ANKRD13C: variants seen among roughly 807,000 people sequenced by gnomAD.
ANKRD13C encodes ankyrin repeat domain 13C.
Under a neutral mutation model 65.5 loss-of-function variants are expected in ANKRD13C, and 16 were observed. The observed-to-expected ratio is 0.24, with a 90% confidence interval of 0.17 to 0.37. ANKRD13C has a LOEUF of 0.37. Among genes scored for constraint, ANKRD13C ranks in the 10% least tolerant of loss-of-function variants. The pLI is 1.00. For missense variants in ANKRD13C, 503 were observed against 655.9 expected, an observed-to-expected ratio of 0.77 and a Z score of 2.55; for synonymous variants, 235 against 238.7, an observed-to-expected ratio of 0.98 and a Z score of 0.14.
chr1:70,349,369 G>T (rs1682654519), intron 1 of ANKRD13C, among the ~76,000 whole-genome samples: 1 of 152,032 alleles, frequency 6.6e-6, no homozygotes, highest in South Asian at 2.1e-4. Context: ...GTTATTAAGT[G>T]ATGAGTCACA....
intron 1 of ANKRD13C, among the ~76,000 whole-genome samples, chr1:70,336,743 GAAAC>G (rs928148528): frequency 2.0e-5 from 3 of 151,966 alleles, no homozygotes; most frequent in Non-Finnish European, 4.4e-5. Context: ...TTATATTTGG[GAAAC>G]AAACAAACAG....
chr1:70,275,967 A>T (rs1382340882), intron 10 of ANKRD13C, among the ~76,000 whole-genome samples: 2 of 150,522 alleles, frequency 1.3e-5, no homozygotes, highest in African/African-American at 2.4e-5. Flanking sequence ...ATCTCAAAAA[A>T]AAAAAAAAAA....
Position 70,354,094 on chromosome 1 carries a change from C to A in ANKRD13C, c.315G>T (p.Ala105=). Residue 105 remains alanine (A), a synonymous_variant, in exon 1 of 13, where the codon GCG becomes GCT. Transcript: ENST00000370944. ...LAGTNPVAVV[A]DGGSCPAHYP... is the part of the protein sequence containing the mutation. ...AGTGTGCGGGGCAACTGCCTCCATCCGCGACGACAGCAACGGGGTTGGTGC... is the reference window on the plus strand; with the variant it reads ...AGTGTGCGGGGCAACTGCCTCCATCAGCGACGACAGCAACGGGGTTGGTGC... 1.9e-6 allele frequency: 3 copies of A among 1,612,340 alleles called. No homozygotes were observed. Among genetic ancestry groups the A allele is most frequent in the Non-Finnish European group, 2.5e-6 (3 of 1,178,876 alleles).
chr1:70,325,646 A>G (rs928634430), intron 2 of ANKRD13C, among the ~76,000 whole-genome samples: 1 of 152,140 alleles, frequency 6.6e-6, no homozygotes, highest in Non-Finnish European at 1.5e-5. Context: ...TGGGAGGCCA[A>G]GGCGGGCAGA....
chr1:70,339,209 C>CAA (rs771059976), intron 1 of ANKRD13C, among the ~76,000 whole-genome samples: 178 of 99,992 alleles, frequency 1.8e-3, no homozygotes, highest in Middle Eastern at 0.011. Context: ...GACCCTATCT[C>CAA]AAAAAAAAAA....
intron 8 of ANKRD13C, among the ~76,000 whole-genome samples, chr1:70,294,371 C>T (rs756423389): frequency 2.0e-5 from 3 of 152,116 alleles, no homozygotes; most frequent in Non-Finnish European, 4.4e-5. Flanking sequence ...TATGTGTCAG[C>T]GTGGCTACGC....
chr1:70,309,780 G>T (rs1305702984), intron 5 of ANKRD13C, among the ~76,000 whole-genome samples: 5 of 150,430 alleles, frequency 3.3e-5, no homozygotes, highest in Admixed American at 3.3e-4. Context: ...ATACAGGATG[G>T]ATTGATTCTG....
intron 3 of ANKRD13C, 146 bp from the exon 4 acceptor site, chr1:70,315,712 T>A (rs1204203919): frequency 3.7e-6 from 2 of 539,314 alleles, no homozygotes; most frequent in Non-Finnish European, 6.0e-6. Flanking sequence ...TGTATCTACA[T>A]CTACAATATA....
intron 3 of ANKRD13C, 127 bp from the exon 4 acceptor site, chr1:70,315,693 G>T: frequency 1.6e-6 from 1 of 610,224 alleles, no homozygotes; most frequent in Non-Finnish European, 2.7e-6. Flanking sequence ...ATGTGTGTAT[G>T]TGTATGTGTG....
rs768639392 is a variant in ANKRD13C, at chr1:70,354,298, G to T, written c.111C>A (p.Thr37=). ...DEEAAAALGG[T]FTRSRIGKGG... ...CCTTGCCAATCCTGCTTCTGGTAAA[G>T]GTACCGCCGAGGGCAGCCGCCGCTT... Residue 37 remains threonine, a synonymous_variant, in exon 1 of 13, where the codon ACC becomes ACA. Coordinates refer to ENST00000370944, the MANE Select transcript of ANKRD13C (RefSeq NM_030816.5). 1.9e-6 allele frequency: 3 copies of T among 1,614,012 alleles called. No individual in the cohort carries two copies. The East Asian group carries it at 6.7e-5, about 36-fold the overall frequency.
rs1343744913 is a variant in ANKRD13C, at chr1:70,260,613, G to C, written c.*2104C>G. On this transcript the variant is annotated 3_prime_UTR_variant, in exon 13 of 13. Coordinates refer to ENST00000370944, the MANE Select transcript of ANKRD13C (RefSeq NM_030816.5). Reference sequence around the variant, plus strand: ...TTCATTAAAAGTAATACTGTGAAAAGTTTATTTGCATCGATTAATTCCTTT... The same window carrying C: ...TTCATTAAAAGTAATACTGTGAAAACTTTATTTGCATCGATTAATTCCTTT... 2.6e-5 allele frequency: 4 copies of C among 152,066 alleles called. No individual in the cohort carries two copies. The highest frequency in any genetic ancestry group is 7.2e-5 in the African/African-American group (3 of 41,444). The allele number at this position is 152,066 out of a possible 1,614,324, so 9.4% of individuals were successfully genotyped here. A position where few individuals can be genotyped will look rare whatever the true frequency, so the allele number is the denominator to read the frequency against.
chr1:70,308,057 A>C (rs1205993121), intron 5 of ANKRD13C, among the ~76,000 whole-genome samples: 1 of 152,246 alleles, frequency 6.6e-6, no homozygotes, highest in African/African-American at 2.4e-5. Context: ...ATGCTCATTA[A>C]TTGAGATCCA....
chr1:70,340,566 T>C (rs918821588), intron 1 of ANKRD13C, among the ~76,000 whole-genome samples: 2 of 152,222 alleles, frequency 1.3e-5, no homozygotes, highest in Non-Finnish European at 2.9e-5. Context: ...GTTGTTCGTA[T>C]TTTTTACATC....
intron 9 of ANKRD13C, among the ~76,000 whole-genome samples, chr1:70,287,137 A>G (rs1176417804): frequency 6.6e-6 from 1 of 152,132 alleles, no homozygotes; most frequent in East Asian, 1.9e-4. Context: ...AAAAATTTAC[A>G]CGATAAATTT....
intron 9 of ANKRD13C, among the ~76,000 whole-genome samples, 193 bp from the exon 10 acceptor site, chr1:70,277,037 A>T (rs1323245744): frequency 1.3e-5 from 2 of 152,172 alleles, no homozygotes; most frequent in Non-Finnish European, 2.9e-5. Context: ...ATTTATTATC[A>T]ATTTTTTTTT....
intron 1 of ANKRD13C, among the ~76,000 whole-genome samples, chr1:70,350,140 C>T (rs558310114): frequency 6.6e-6 from 1 of 152,218 alleles, no homozygotes; most frequent in Admixed American, 6.5e-5. Context: ...GAGATTCCAT[C>T]ACAAAAAATA....
At chr1:70,348,093 T>C (rs1164926166) in intron 1 of ANKRD13C, among the ~76,000 whole-genome samples, 2 of 152,182 alleles carry the variant, frequency 1.3e-5, no homozygotes, top group African/African-American at 4.8e-5. Flanking sequence ...ATTAGCTTTA[T>C]AGTCACCTCT....
At position 70,351,718 on chromosome 1, in the gene ANKRD13C, G is replaced by A. The variant is rs148497047; in HGVS notation, c.430+2261C>T. ...CCTGGCCAAGCTTGCTGTTGTTTAAGTGATTTTATAAGTATTTATCTTCTA... is the reference window on the plus strand; with the variant it reads ...CCTGGCCAAGCTTGCTGTTGTTTAAATGATTTTATAAGTATTTATCTTCTA... On this transcript the variant is annotated intron_variant, in intron 1 of 12. Coordinates refer to ENST00000370944, the MANE Select transcript of ANKRD13C (RefSeq NM_030816.5). Among the ~76,000 whole-genome samples, 400 of 152,152 alleles carry A rather than the reference G, an allele frequency of 2.6e-3. 2 individuals carry two copies. Among genetic ancestry groups the A allele is most frequent in the African/African-American group, 9.3e-3 (386 of 41,532 alleles).
At chr1:70,274,968 G>A in intron 10 of ANKRD13C, 150 bp from the exon 11 acceptor site, 1 of 543,348 alleles carries the variant, frequency 1.8e-6, no homozygotes, top group East Asian at 2.9e-5. Context: ...AAGGGAATAA[G>A]ATATGTATAA....
Sources: gnomAD v4.1 joint callset for allele counts (sites outside exome capture counted in the v4.1 genomes callset) on GRCh38, gnomAD v4.1.1 for gene constraint, MANE v1.5 for transcripts, NCBI Gene and HGNC (gene_info 2026-07-23, HGNC 2026-07-21) for gene names.